The following ZNF563 variants were observed in gnomAD, a reference collection of about 807,000 sequenced individuals.
The protein encoded by ZNF563 is zinc finger protein 563.
A neutral mutation model predicts 48.5 loss-of-function variants in ZNF563; 39 were observed. The observed-to-expected ratio is 0.80, with a 90% CI of 0.62 to 1.05. The LOEUF is 1.05. Among genes scored for constraint, ZNF563 ranks in the 50% least tolerant of loss-of-function variants. The probability of loss-of-function intolerance (pLI) is 0.00; values close to 1 mark genes in which losing one functional copy is unlikely to be tolerated. For synonymous variants in ZNF563, 168 were observed against 187.9 expected, an observed-to-expected ratio of 0.89 and a Z score of 0.87; for missense variants, 538 against 597.0, an observed-to-expected ratio of 0.90 and a Z score of 1.03.
At chr19:12,320,118 A>C (rs1017546124) in intron 3 of ZNF563, among the ~76,000 whole-genome samples, 1 of 152,140 alleles carries the variant, frequency 6.6e-6, no homozygotes, top group African/African-American at 2.4e-5. Context: ...GGGTTTTGCC[A>C]TGCTGGCCAG....
the ZNF563 span, among the ~76,000 whole-genome samples, chr19:12,340,778 A>C: frequency 2.7e-5 from 4 of 146,240 alleles, no homozygotes; most frequent in Admixed American, 2.7e-4. Context: ...CTCCATCTCC[A>C]AAAAAAAAAA....
intron 1 of ZNF563, among the ~76,000 whole-genome samples, chr19:12,333,031 A>G (rs2145821307): frequency 6.6e-6 from 1 of 152,320 alleles, no homozygotes; most frequent in East Asian, 1.9e-4. Flanking sequence ...GGACAAGATA[A>G]GCATTAGACA....
chr19:12,331,403 C>T (rs1968913729), intron 1 of ZNF563, among the ~76,000 whole-genome samples: 1 of 152,142 alleles, frequency 6.6e-6, no homozygotes, highest in African/African-American at 2.4e-5. Context: ...TACTTTCAGG[C>T]TCTTACACCA....
rs777739415 is a variant in ZNF563 at position 12,319,388 on chromosome 19, G to A, written c.637C>T (p.Arg213Cys). Residue 213 changes from arginine to cysteine, a missense_variant, in exon 4 of 4, where the codon CGT (arginine) becomes TGT (cysteine). Physicochemically the swap from Arg to Cys is radical, Grantham distance 180. Transcript: ENST00000293725. ...GKAFFWPSLL[R>C]MHERTHTGEK... ...CCAGTGTGAGTTCTTTCATGCATAC[G>A]TAATAAACTGGGCCAAAAAAAAGCT... 33 of 1,614,042 alleles carry A rather than the reference G, an allele frequency of 2.0e-5. No individual in the cohort carries two copies. Among genetic ancestry groups the A allele is most frequent in the South Asian group, 8.8e-5 (8 of 91,090 alleles).
At chr19:12,336,586 C>T (rs537328736), upstream of ZNF563, among the ~76,000 whole-genome samples, 6 of 152,230 alleles carry the variant, frequency 3.9e-5, 1 homozygote, top group South Asian at 4.1e-4. Context: ...AGCGAGACTC[C>T]GTCTCAAAAA....
At chr19:12,329,270 G>A (rs749958444) in intron 1 of ZNF563, among the ~76,000 whole-genome samples, 3 of 152,008 alleles carry the variant, frequency 2.0e-5, no homozygotes, top group Non-Finnish European at 2.9e-5. Flanking sequence ...TCAGGAGTTC[G>A]AGACCTGCTT....
At chr19:12,329,257 A>G (rs1968865855) in intron 1 of ZNF563, among the ~76,000 whole-genome samples, 1 of 152,168 alleles carries the variant, frequency 6.6e-6, no homozygotes, top group African/African-American at 2.4e-5. Flanking sequence ...GCGGATCACG[A>G]GGTCAGGAGT....
At chr19:12,339,025 A>G in the ZNF563 span, among the ~76,000 whole-genome samples, 1 of 152,168 alleles carries the variant, frequency 6.6e-6, no homozygotes. Context: ...AGCCATGCAC[A>G]TGTATTTTCC....
chr19:12,343,792 G>T, the ZNF563 span, among the ~76,000 whole-genome samples: 1 of 145,590 alleles, frequency 6.9e-6, no homozygotes, highest in African/African-American at 2.6e-5. Context: ...GTACAGTGGC[G>T]CGATCTTGGC....
chr19:12,336,009 A>C (rs1002283682), upstream of ZNF563, among the ~76,000 whole-genome samples: 1 of 152,228 alleles, frequency 6.6e-6, no homozygotes, highest in African/African-American at 2.4e-5. Flanking sequence ...CCTCTGTAAG[A>C]GTCTTCACTT....
At chr19:12,323,118 T>C (rs531465871) in intron 1 of ZNF563, among the ~76,000 whole-genome samples, 1 of 152,352 alleles carries the variant, frequency 6.6e-6, no homozygotes, top group South Asian at 2.1e-4. Flanking sequence ...TTGGACCTTT[T>C]ATGGTGTCTA....
chr19:12,318,967 C>G lies in ZNF563; in HGVS notation c.1058G>C (p.Arg353Pro), dbSNP rs764764104. Residue 353 changes from arginine to proline, a missense_variant, in exon 4 of 4, where the codon CGA becomes CCA. Arg to Pro is a moderately radical substitution (Grantham distance 103). Coordinates refer to ENST00000293725, the MANE Select transcript of ZNF563 (RefSeq NM_145276.3). ...GKGFDRPSLV[R>P]YHERIHTGEK... is the part of the protein sequence containing the mutation. ...TCCAGTGTGAATTCGTTCATGATAT[C>G]GAACTAAACTGGGACGATCAAAGCC... 1.2e-6 allele frequency: 2 copies of G among 1,614,070 alleles called. No individual in the cohort carries two copies. The highest frequency in any genetic ancestry group is 1.7e-6 in the Non-Finnish European group (2 of 1,180,016).
chr19:12,346,904 A>C, the ZNF563 span: 3 of 152,244 alleles, frequency 2.0e-5, no homozygotes, highest in African/African-American at 7.2e-5. Context: ...TCACAGACAG[A>C]GAAAGTAGAA....
Position 12,321,341 on chromosome 19 carries a change from G to A in ZNF563, c.131-9C>T. Reference sequence around the variant, plus strand: ...TTCTTCCCATATCATTCCTAAAAGGGAGACCCAGAAAATCACTATACATTA... The same window carrying A: ...TTCTTCCCATATCATTCCTAAAAGGAAGACCCAGAAAATCACTATACATTA... On this transcript the variant is annotated splice_polypyrimidine_tract_variant and intron_variant, in intron 2 of 3. Coordinates refer to ENST00000293725, the MANE Select transcript of ZNF563 (RefSeq NM_145276.3). 6.5e-7 allele frequency: 1 copy of A among 1,534,518 alleles called. No individual in the cohort carries two copies. Among genetic ancestry groups the A allele is most frequent in the Non-Finnish European group, 8.7e-7 (1 of 1,145,268 alleles).
At chr19:12,324,446 G>A (rs146220676) in intron 1 of ZNF563, among the ~76,000 whole-genome samples, 71 of 152,114 alleles carry the variant, frequency 4.7e-4, no homozygotes, top group African/African-American at 1.5e-3. Flanking sequence ...GGCCGGGTGC[G>A]GTGGCTCACA....
At chr19:12,333,443 T>C (rs772108486) in intron 1 of ZNF563, 37 bp downstream of exon 1, 4 of 1,613,024 alleles carry the variant, frequency 2.5e-6, no homozygotes, top group Middle Eastern at 1.7e-4. Flanking sequence ...CAACCAGCTC[T>C]TTCCCACTTT....
chr19:12,319,349 C>A lies in ZNF563; in HGVS notation c.676G>T (p.Glu226Ter). The A allele has an allele frequency of 6.2e-7, 1 of 1,614,064 alleles. No individual in the cohort carries two copies. The highest frequency in any genetic ancestry group is 8.5e-7 in the Non-Finnish European group (1 of 1,180,018). The change falls in exon 4 of 4, where the codon GAA (glutamate) becomes TAA (stop). Residue 226 changes from glutamate to a stop codon, truncating the protein, a stop_gained. Transcript: ENST00000293725. LOFTEE classifies it high-confidence loss of function. ...AAGGCTTTAGAACACTGCTTACATT[C>A]ATACGGTTTCTCTCCAGTGTGAGTT... ...ERTHTGEKPYECKQCSKAFPF... is the reference protein window; with the variant it reads ...ERTHTGEKPY
At chr19:12,339,283 T>C in the ZNF563 span, among the ~76,000 whole-genome samples, 5,615 of 143,056 alleles carry the variant, frequency 0.039, 379 homozygotes, top group African/African-American at 0.14. Flanking sequence ...CTTTTTTTTT[T>C]TTTTTTTTTT....
chr19:12,322,130 A>G (rs1454834290), intron 2 of ZNF563, among the ~76,000 whole-genome samples: 1 of 152,024 alleles, frequency 6.6e-6, no homozygotes, highest in Non-Finnish European at 1.5e-5. Context: ...ATCTTGGCTC[A>G]CTGCGACCTC....
Sources: allele counts gnomAD v4.1 joint callset (sites outside exome capture counted in the v4.1 genomes callset), GRCh38; gene constraint gnomAD v4.1.1; transcripts MANE v1.5; gene names NCBI Gene and HGNC (gene_info 2026-07-23, HGNC 2026-07-21).